The following SRCIN1 variants were observed in gnomAD, a reference collection of about 807,000 sequenced individuals.
SRCIN1 encodes SRC kinase signaling inhibitor 1.
In SRCIN1, 50 loss-of-function variants were observed where a neutral mutation model predicts 116.2. That is an observed-to-expected ratio of 0.43 (90% CI 0.34 to 0.54). The LOEUF (loss-of-function observed/expected upper bound fraction) is 0.54. SRCIN1 is among the 20% of genes least tolerant of loss of function. The probability of loss-of-function intolerance (pLI) is 0.02; values close to 1 mark genes in which losing one functional copy is unlikely to be tolerated. For synonymous variants in SRCIN1, 736 were observed against 750.0 expected, an observed-to-expected ratio of 0.98 and a Z score of 0.30; for missense variants, 1,446 against 1,672.0, an observed-to-expected ratio of 0.86 and a Z score of 2.36.
At chr17:38,539,745 A>G (rs1231752377) in intron 18 of SRCIN1, among the ~76,000 whole-genome samples, 1 of 151,946 alleles carries the variant, frequency 6.6e-6, no homozygotes, top group Non-Finnish European at 1.5e-5. Flanking sequence ...AAGTCTCTTC[A>G]TCTGGGGCCG....
chr17:38,553,075 G>A (rs535128015), intron 11 of SRCIN1, among the ~76,000 whole-genome samples: 1 of 152,210 alleles, frequency 6.6e-6, no homozygotes, highest in Non-Finnish European at 1.5e-5. Flanking sequence ...GGCAACATAG[G>A]GAGACCTCAT....
intron 1 of SRCIN1, among the ~76,000 whole-genome samples, chr17:38,582,470 A>C (rs761303605): frequency 1.8e-4 from 27 of 152,322 alleles, no homozygotes; most frequent in Non-Finnish European, 3.4e-4. Context: ...CACAGTTGGC[A>C]GTGGGGAGGG....
At chr17:38,574,750 C>A (rs1308412949) in intron 2 of SRCIN1, 4 of 398,448 alleles carry the variant, frequency 1.0e-5, no homozygotes, top group Non-Finnish European at 1.8e-5. Context: ...AATAGGGGCT[C>A]CTACACCAAA....
intron 15 of SRCIN1, 69 bp from the exon 16 acceptor site, chr17:38,549,279 G>A: frequency 7.1e-7 from 1 of 1,409,906 alleles, no homozygotes; most frequent in Admixed American, 2.7e-5. Context: ...CATCTAACTT[G>A]AAGGGGATAA....
At chr17:38,565,563 A>T (rs1317067904) in intron 3 of SRCIN1, among the ~76,000 whole-genome samples, 1 of 152,252 alleles carries the variant, frequency 6.6e-6, no homozygotes, top group Admixed American at 6.5e-5. Flanking sequence ...AAAAAAGACA[A>T]CAATAAAATA....
intron 17 of SRCIN1, among the ~76,000 whole-genome samples, chr17:38,548,068 G>A (rs1251034819): frequency 6.6e-6 from 1 of 152,164 alleles, no homozygotes; most frequent in Non-Finnish European, 1.5e-5. Context: ...CAGAGCCCTG[G>A]TAGTCCAGGT....
At chr17:38,591,204 A>G (rs1908422251) in intron 1 of SRCIN1, among the ~76,000 whole-genome samples, 1 of 152,240 alleles carries the variant, frequency 6.6e-6, no homozygotes, top group African/African-American at 2.4e-5. Context: ...AGATACTTCC[A>G]GGAAAGGAGA....
chr17:38,577,784 G>A (rs1907505983), intron 2 of SRCIN1, among the ~76,000 whole-genome samples: 1 of 152,178 alleles, frequency 6.6e-6, no homozygotes, highest in Admixed American at 6.5e-5. Flanking sequence ...GGTTCTGGGG[G>A]AGGTTTAAAA....
At chr17:38,605,001 T>A (rs1032768285) in intron 1 of SRCIN1, among the ~76,000 whole-genome samples, 1 of 151,764 alleles carries the variant, frequency 6.6e-6, no homozygotes, top group Non-Finnish European at 1.5e-5. Flanking sequence ...AGCGGGGAGC[T>A]GGTCCCCAGT....
At chr17:38,581,353 C>T (rs1014827583) in intron 1 of SRCIN1, among the ~76,000 whole-genome samples, 95 of 145,484 alleles carry the variant, frequency 6.5e-4, no homozygotes, top group African/African-American at 2.1e-3. Context: ...TTGCAGTGAA[C>T]GGAGATTACG....
chr17:38,585,283 A>G lies in SRCIN1; in HGVS notation c.23-6492T>C, dbSNP rs558390535. Among the ~76,000 whole-genome samples, 1 of 152,194 alleles carries G rather than the reference A, an allele frequency of 6.6e-6. No homozygotes were observed. The highest frequency in any genetic ancestry group is 6.5e-5 in the Admixed American group (1 of 15,292). ...CACACCCACACACACACACAAACAC[A>G]CAGCATGAGGCTCCCCCAGTCCCTC... On this transcript the variant is annotated intron_variant, in intron 1 of 18. Coordinates refer to ENST00000617146, the MANE Select transcript of SRCIN1 (RefSeq NM_025248.3). This position sits in a 1 kb window ranked among gnomAD's most constrained non-coding sequence, Gnocchi z 4.2.
rs76402833 is a variant in SRCIN1, at chr17:38,563,756, G to A, written c.542-235C>T. 4,151 of 691,728 alleles carry A rather than the reference G, an allele frequency of 6.0e-3. 140 individuals are homozygous for A. In the African/African-American group the frequency reaches 0.064, roughly 11 times the overall value. 42.8% of individuals were successfully genotyped at this position (691,728 alleles called of 1,614,324 possible). A position where few individuals can be genotyped will look rare whatever the true frequency, so the allele number is the denominator to read the frequency against. On this transcript the variant is annotated intron_variant, in intron 4 of 18. Coordinates refer to ENST00000617146, the MANE Select transcript of SRCIN1 (RefSeq NM_025248.3). This position sits in a 1 kb window ranked among gnomAD's most constrained non-coding sequence, Gnocchi z 5.8. ...GACTCCAGGCAGTTGAAGGAACTTG[G>A]ACAAGGAAATGGAAGTGGGGGCAGA...
At position 38,558,951 on chromosome 17, in the gene SRCIN1, A is replaced by G. The variant is rs778828667; in HGVS notation, c.2026-549T>C. 16 of 174,744 alleles carry G rather than the reference A, an allele frequency of 9.2e-5. No homozygotes were observed. The highest frequency in any genetic ancestry group is 1.5e-4 in the Non-Finnish European group (12 of 82,742). 10.8% of individuals were successfully genotyped at this position (174,744 alleles called of 1,614,324 possible). A position where few individuals can be genotyped will look rare whatever the true frequency, so the allele number is the denominator to read the frequency against. On this transcript the variant is annotated intron_variant, in intron 10 of 18. Transcript: ENST00000617146. This position sits in a 1 kb window ranked among gnomAD's most constrained non-coding sequence, Gnocchi z 4.6. ...TGGCTGGGACAGGAAGACTAAGTTG[A>G]TGATCGATCCAACCCTGTTCCAAGC...
intron 1 of SRCIN1, among the ~76,000 whole-genome samples, chr17:38,601,666 A>G (rs968160406): frequency 2.0e-5 from 3 of 151,496 alleles, no homozygotes; most frequent in African/African-American, 7.3e-5. Flanking sequence ...TCGCGCGCAC[A>G]CACACACACA....
chr17:38,555,590 GA>G (rs1216926617), intron 11 of SRCIN1, among the ~76,000 whole-genome samples: 1 of 152,060 alleles, frequency 6.6e-6, no homozygotes. Context: ...TTAAAAAAAG[GA>G]AAAAAAGATA....
At chr17:38,557,228 C>G (rs1905865845) in intron 11 of SRCIN1, among the ~76,000 whole-genome samples, 1 of 152,240 alleles carries the variant, frequency 6.6e-6, no homozygotes, top group Non-Finnish European at 1.5e-5. Flanking sequence ...TCGCAAGAGG[C>G]TCATTTATGA....
rs540895084 is a variant in SRCIN1 at position 38,568,837 on chromosome 17, G to A, written c.325-606C>T. Among the ~76,000 whole-genome samples, 1 of 152,108 alleles carries A rather than the reference G, an allele frequency of 6.6e-6. No homozygotes were observed. Among genetic ancestry groups the A allele is most frequent in the South Asian group, 2.1e-4 (1 of 4,806 alleles). Reference sequence around the variant, plus strand: ...TGAGAGAAAGTATTTAGACTTAACTGGGTGGACAAGCAGAAAGTGTCTGAA... The same window carrying A: ...TGAGAGAAAGTATTTAGACTTAACTAGGTGGACAAGCAGAAAGTGTCTGAA... On this transcript the variant is annotated intron_variant, in intron 2 of 18. Coordinates refer to ENST00000617146, the MANE Select transcript of SRCIN1 (RefSeq NM_025248.3). The surrounding 1 kb of genome is among the most constrained non-coding windows in gnomAD (Gnocchi z 4.5).
chr17:38,550,432 T>C (rs1271172053), intron 15 of SRCIN1, among the ~76,000 whole-genome samples: 1 of 152,070 alleles, frequency 6.6e-6, no homozygotes, highest in African/African-American at 2.4e-5. Context: ...AGGCGGAGCT[T>C]GTAGTGAGCC....
rs1909274072 is a variant in SRCIN1 at position 38,604,887 on chromosome 17, G to C, written c.22+797C>G. Reference sequence around the variant, plus strand: ...TCACCCTAGATGCCCTCCCCAGCTGGGGGCGCCCTCCCCTGCCCCCTGGCC... The same window carrying C: ...TCACCCTAGATGCCCTCCCCAGCTGCGGGCGCCCTCCCCTGCCCCCTGGCC... On this transcript the variant is annotated intron_variant, in intron 1 of 18. Coordinates refer to ENST00000617146, the MANE Select transcript of SRCIN1 (RefSeq NM_025248.3). The surrounding 1 kb of genome is among the most constrained non-coding windows in gnomAD (Gnocchi z 4.3). Among the ~76,000 whole-genome samples the C allele has an allele frequency of 6.6e-6, 1 of 151,476 alleles. No individual in the cohort carries two copies.
Sources: allele counts gnomAD v4.1 joint callset (sites outside exome capture counted in the v4.1 genomes callset), GRCh38; gene constraint gnomAD v4.1.1; non-coding constraint Gnocchi (gnomAD v3.1); transcripts MANE v1.5; gene names NCBI Gene and HGNC (gene_info 2026-07-23, HGNC 2026-07-21).